Variants in NEGR1 observed in about 807,000 individuals in gnomAD.
NEGR1 encodes the protein IgLON family member 4.
A neutral mutation model predicts 40.9 loss-of-function variants in NEGR1; 10 were observed. That is an observed-to-expected ratio of 0.24 (90% confidence interval 0.15 to 0.42). The LOEUF (loss-of-function observed/expected upper bound fraction) is 0.42, where lower values mean the gene tolerates loss of function less well. Among genes scored for constraint, NEGR1 ranks in the 10% least tolerant of loss-of-function variants. The pLI, the probability that NEGR1 is intolerant of heterozygous loss-of-function variation, is 1.00. For missense variants in NEGR1, 352 were observed against 438.9 expected (o/e 0.80, Z 1.77); for synonymous variants, 185 against 166.8 (o/e 1.11, Z -0.84).
intron 6 of NEGR1, among the ~76,000 whole-genome samples, chr1:71,482,455 T>G (rs1446292434): frequency 1.3e-5 from 2 of 151,824 alleles, no homozygotes; most frequent in African/African-American, 4.8e-5. Context: ...CTTTTTTGAT[T>G]AAAAAATATA....
intron 6 of NEGR1, among the ~76,000 whole-genome samples, chr1:71,532,052 C>T (rs539272037): frequency 6.4e-4 from 97 of 151,480 alleles, no homozygotes; most frequent in Non-Finnish European, 1.2e-3. Context: ...TAGGCAGCAC[C>T]AACAAATCCT....
intron 2 of NEGR1, among the ~76,000 whole-genome samples, chr1:71,933,156 C>A (rs757382626): frequency 1.3e-5 from 2 of 151,978 alleles, no homozygotes; most frequent in Non-Finnish European, 2.9e-5. Context: ...CTCAAAAGTT[C>A]ACCATCGTCT....
At chr1:71,557,506 T>C (rs1476352899) in intron 6 of NEGR1, among the ~76,000 whole-genome samples, 1 of 151,628 alleles carries the variant, frequency 6.6e-6, no homozygotes, top group Non-Finnish European at 1.5e-5. Context: ...TTCTAATGTC[T>C]CTAGTTGTTT....
intron 3 of NEGR1, among the ~76,000 whole-genome samples, chr1:71,767,925 C>G (rs1043456998): frequency 6.6e-6 from 1 of 152,226 alleles, no homozygotes; most frequent in Admixed American, 6.5e-5. Flanking sequence ...CAAGCCATAA[C>G]CTTTGGCAGC....
chr1:71,882,609 G>A (rs577807822), intron 2 of NEGR1, among the ~76,000 whole-genome samples: 1 of 151,762 alleles, frequency 6.6e-6, no homozygotes, highest in African/African-American at 2.4e-5. Context: ...AACAGACACT[G>A]TGAAATTTAA....
intron 6 of NEGR1, among the ~76,000 whole-genome samples, chr1:71,460,193 A>G (rs1646704704): frequency 6.6e-6 from 1 of 152,204 alleles, no homozygotes; most frequent in Non-Finnish European, 1.5e-5. Flanking sequence ...ACATATCGTG[A>G]ACTGTGAATT....
At chr1:72,127,395 C>A (rs1650064553) in intron 1 of NEGR1, among the ~76,000 whole-genome samples, 1 of 123,644 alleles carries the variant, frequency 8.1e-6, no homozygotes, top group Non-Finnish European at 1.6e-5. Flanking sequence ...ACCCGGGAGG[C>A]GGAGGTTGCA....
Position 72,234,120 on chromosome 1 carries a change from T to C in NEGR1, c.176+48199A>G, listed in dbSNP as rs149023915. Among the ~76,000 whole-genome samples, 785 of 152,244 alleles carry C rather than the reference T, an allele frequency of 5.2e-3. 7 individuals carry two copies. The highest frequency in any genetic ancestry group is 0.018 in the African/African-American group (758 of 41,566). ...AGTACCCATTAGTTATTTTTCCTGA[T>C]CCTCTCTCACCTTTCAACCTCCACA... On this transcript the variant is annotated intron_variant, in intron 1 of 6. Transcript: ENST00000357731.
intron 4 of NEGR1, among the ~76,000 whole-genome samples, chr1:71,636,019 G>T (rs961915939): frequency 6.6e-6 from 1 of 152,018 alleles, no homozygotes; most frequent in Non-Finnish European, 1.5e-5. Flanking sequence ...TATTTTAAAA[G>T]TGCTTTAATC....
intron 6 of NEGR1, among the ~76,000 whole-genome samples, chr1:71,585,758 A>C (rs1042081238): frequency 6.7e-6 from 1 of 149,012 alleles, no homozygotes; most frequent in Non-Finnish European, 1.5e-5. Flanking sequence ...TTAATTAATA[A>C]TTGTAATAAA....
Position 71,540,896 on chromosome 1 carries a change from G to A in NEGR1, c.940+51921C>T, listed in dbSNP as rs755734691. On this transcript the variant is annotated intron_variant, in intron 6 of 6. Coordinates refer to ENST00000357731, the MANE Select transcript of NEGR1 (RefSeq NM_173808.3). Reference sequence around the variant, plus strand: ...TTTTATTTAGGGTGGAAGGCAAAACGGGAGCAGACACATCATCACATGGTG... The same window carrying A: ...TTTTATTTAGGGTGGAAGGCAAAACAGGAGCAGACACATCATCACATGGTG... Among the ~76,000 whole-genome samples the A allele has an allele frequency of 7.3e-5, 11 of 151,518 alleles. No individual in the cohort carries two copies. The East Asian group carries it at 9.8e-4, about 14-fold the overall frequency.
At chr1:71,749,988 CTTTTT>C (rs768011020) in intron 3 of NEGR1, among the ~76,000 whole-genome samples, 1 of 136,634 alleles carries the variant, frequency 7.3e-6, no homozygotes. Flanking sequence ...TTGCTCCTTT[CTTTTT>C]TTTTTTTTTT....
chr1:71,716,905 A>T (rs1465881878), intron 3 of NEGR1, among the ~76,000 whole-genome samples: 1 of 152,196 alleles, frequency 6.6e-6, no homozygotes, highest in Admixed American at 6.5e-5. Context: ...CAAAAAACAA[A>T]AGTGAAATAA....
intron 1 of NEGR1, among the ~76,000 whole-genome samples, chr1:72,178,189 T>C (rs1193851642): frequency 6.6e-6 from 1 of 152,080 alleles, no homozygotes; most frequent in African/African-American, 2.4e-5. Context: ...CAATCTGTCA[T>C]GTTTAATTGA....
At chr1:72,116,900 A>C (rs2100281423) in intron 1 of NEGR1, among the ~76,000 whole-genome samples, 1 of 151,898 alleles carries the variant, frequency 6.6e-6, no homozygotes, top group African/African-American at 2.4e-5. Context: ...CAAGAATATT[A>C]ATTGAAATGT....
chr1:71,832,519 G>A (rs1658876234), intron 2 of NEGR1, among the ~76,000 whole-genome samples: 1 of 151,974 alleles, frequency 6.6e-6, no homozygotes, highest in Admixed American at 6.6e-5. Flanking sequence ...ATTTAGAACA[G>A]CAAATAGACA....
At chr1:71,926,197 T>C (rs1645770615) in intron 2 of NEGR1, among the ~76,000 whole-genome samples, 1 of 152,152 alleles carries the variant, frequency 6.6e-6, no homozygotes. Flanking sequence ...ATTTTCAAAT[T>C]GTAATTTTGG....
intron 1 of NEGR1, among the ~76,000 whole-genome samples, chr1:72,209,377 C>T (rs1037540250): frequency 6.6e-6 from 1 of 151,564 alleles, no homozygotes; most frequent in African/African-American, 2.4e-5. Flanking sequence ...AATATCAGTG[C>T]CATTTTTCAG....
chr1:72,099,884 T>C (rs1569962873), intron 1 of NEGR1, among the ~76,000 whole-genome samples: 1 of 150,798 alleles, frequency 6.6e-6, no homozygotes, highest in Non-Finnish European at 1.5e-5. Flanking sequence ...TCTCTCTCTC[T>C]CCATATATAT....
Sources: gnomAD v4.1 joint callset for allele counts (sites outside exome capture counted in the v4.1 genomes callset) on GRCh38, gnomAD v4.1.1 for gene constraint, MANE v1.5 for transcripts, NCBI Gene and HGNC (gene_info 2026-07-23, HGNC 2026-07-21) for gene names.